Variants in PRKCA observed in about 807,000 individuals in gnomAD.
PRKCA encodes protein kinase C alpha.
Under a neutral mutation model 87.0 loss-of-function variants are expected in PRKCA, and 27 were observed. That is an observed-to-expected ratio of 0.31 (90% CI 0.23 to 0.43). PRKCA has a LOEUF of 0.43. PRKCA is among the 20% of genes least tolerant of loss of function. PRKCA has a pLI of 1.00. For synonymous variants in PRKCA, 329 were observed against 311.1 expected (o/e 1.06, Z -0.61); for missense variants, 518 against 852.3 (o/e 0.61, Z 4.88).
At chr17:66,629,571 G>T (rs1050938480) in intron 3 of PRKCA, among the ~76,000 whole-genome samples, 27 of 152,186 alleles carry the variant, frequency 1.8e-4, no homozygotes, top group African/African-American at 5.8e-4. Context: ...TTTGTACAGG[G>T]CTGGCAGAGG....
chr17:66,800,002 C>G (rs919135016), intron 16 of PRKCA, among the ~76,000 whole-genome samples: 3 of 152,168 alleles, frequency 2.0e-5, no homozygotes, highest in African/African-American at 7.2e-5. Context: ...ATCTAACCCT[C>G]AGGTCATCCT....
chr17:66,629,614 T>C (rs1970955171), intron 3 of PRKCA, among the ~76,000 whole-genome samples: 1 of 152,218 alleles, frequency 6.6e-6, no homozygotes, highest in African/African-American at 2.4e-5. Flanking sequence ...TGTATTCCTA[T>C]TTTACGTTCC....
intron 2 of PRKCA, among the ~76,000 whole-genome samples, chr17:66,474,502 G>A (rs1259187075): frequency 6.6e-6 from 1 of 152,218 alleles, no homozygotes. Context: ...GAGGGTGGCA[G>A]TGTGCTTAGG....
intron 2 of PRKCA, among the ~76,000 whole-genome samples, chr17:66,406,760 G>T (rs1911430715): frequency 6.6e-6 from 1 of 151,998 alleles, no homozygotes; most frequent in Admixed American, 6.6e-5. Context: ...AAATTACACA[G>T]CCATCTACTT....
intron 2 of PRKCA, among the ~76,000 whole-genome samples, chr17:66,345,494 A>G (rs59259080): frequency 0.049 from 7,419 of 152,212 alleles, 213 homozygotes; most frequent in African/African-American, 0.062. Flanking sequence ...CATCCTGCCA[A>G]TAGAGGCAGC....
intron 3 of PRKCA, among the ~76,000 whole-genome samples, chr17:66,536,480 T>G (rs138553810): frequency 2.1e-3 from 325 of 152,330 alleles, no homozygotes; most frequent in African/African-American, 7.5e-3. Context: ...TAATGCAGAT[T>G]AAAATATCTG....
intron 13 of PRKCA, 129 bp downstream of exon 13, chr17:66,742,889 T>C: frequency 9.7e-7 from 1 of 1,029,166 alleles, no homozygotes. Flanking sequence ...TGGACTAAAC[T>C]GGACAAAACA....
chr17:66,607,326 T>G lies in PRKCA; in HGVS notation c.289-34029T>G, dbSNP rs191860859. On this transcript the variant is annotated intron_variant, in intron 3 of 16. Transcript: ENST00000413366. ...ATTTACATAGTTCTGTGGGAAAAAA[T>G]CGGACATACAGTGAGTTAAGTGGAG... Among the ~76,000 whole-genome samples, 56 of 152,296 alleles carry G rather than the reference T, an allele frequency of 3.7e-4. No individual in the cohort carries two copies. In the East Asian group the frequency reaches 0.01, roughly 28 times the overall value.
At chr17:66,447,948 G>C (rs192212025) in intron 2 of PRKCA, among the ~76,000 whole-genome samples, 1 of 152,152 alleles carries the variant, frequency 6.6e-6, no homozygotes, top group South Asian at 2.1e-4. Context: ...CCTTTTTGTC[G>C]TGTAGTTATT....
At chr17:66,726,806 C>T (rs140634665) in intron 8 of PRKCA, among the ~76,000 whole-genome samples, 8 of 152,048 alleles carry the variant, frequency 5.3e-5, no homozygotes, top group African/African-American at 1.7e-4. Flanking sequence ...CTCACTGCAA[C>T]CTTCGCCTCC....
At chr17:66,437,935 A>AGT (rs1913495927) in intron 2 of PRKCA, among the ~76,000 whole-genome samples, 1 of 151,728 alleles carries the variant, frequency 6.6e-6, no homozygotes, top group Admixed American at 6.6e-5. Context: ...GGATACCAGG[A>AGT]GTAAATAAGT....
At chr17:66,564,425 A>G (rs995678466) in intron 3 of PRKCA, among the ~76,000 whole-genome samples, 5 of 152,100 alleles carry the variant, frequency 3.3e-5, no homozygotes. Context: ...TAAATTACCT[A>G]CAGCTCACAT....
intron 2 of PRKCA, among the ~76,000 whole-genome samples, chr17:66,492,709 A>G (rs956761601): frequency 6.6e-6 from 1 of 152,238 alleles, no homozygotes; most frequent in East Asian, 1.9e-4. Context: ...AGCAGATCAG[A>G]TTAATTTGTG....
At chr17:66,319,799 T>A (rs539434321) in intron 2 of PRKCA, among the ~76,000 whole-genome samples, 1 of 152,082 alleles carries the variant, frequency 6.6e-6, no homozygotes, top group Non-Finnish European at 1.5e-5. Context: ...TGGGGTACAG[T>A]GGTGTGATCT....
At chr17:66,403,381 A>T (rs1911152883) in intron 2 of PRKCA, among the ~76,000 whole-genome samples, 1 of 152,204 alleles carries the variant, frequency 6.6e-6, no homozygotes, top group Admixed American at 6.5e-5. Flanking sequence ...ACACACCTAC[A>T]TACACAGCTC....
At chr17:66,759,235 A>G (rs539797830) in intron 13 of PRKCA, among the ~76,000 whole-genome samples, 1 of 152,244 alleles carries the variant, frequency 6.6e-6, no homozygotes, top group South Asian at 2.1e-4. Context: ...GGGCACCTGT[A>G]GTCCCAGGTA....
chr17:66,695,977 G>T (rs1443105282), intron 8 of PRKCA, among the ~76,000 whole-genome samples: 1 of 152,206 alleles, frequency 6.6e-6, no homozygotes, highest in Non-Finnish European at 1.5e-5. Context: ...TTCTTATAAA[G>T]AGAGAAATTT....
intron 2 of PRKCA, among the ~76,000 whole-genome samples, chr17:66,433,466 G>T (rs1050942858): frequency 3.3e-5 from 5 of 152,220 alleles, no homozygotes; most frequent in African/African-American, 1.2e-4. Flanking sequence ...GTGTTTGCTT[G>T]TTTATGGATG....
chr17:66,637,129 G>C (rs1221343175), intron 3 of PRKCA, among the ~76,000 whole-genome samples: 1 of 152,152 alleles, frequency 6.6e-6, no homozygotes, highest in Non-Finnish European at 1.5e-5. Flanking sequence ...GGTGCCATAT[G>C]GCTGTTGCGT....
Sources: gnomAD v4.1 joint callset for allele counts (sites outside exome capture counted in the v4.1 genomes callset) on GRCh38, gnomAD v4.1.1 for gene constraint, MANE v1.5 for transcripts, NCBI Gene and HGNC (gene_info 2026-07-23, HGNC 2026-07-21) for gene names.